Variants in EPHA6 observed in about 807,000 individuals in gnomAD.
The protein encoded by EPHA6 is EPH receptor A6.
Under a neutral mutation model 112.0 loss-of-function variants are expected in EPHA6, and 50 were observed. The ratio of observed to expected loss-of-function variants is 0.45; its 90% CI spans 0.36 to 0.56. The LOEUF is 0.56. Among genes scored for constraint, EPHA6 ranks in the 20% least tolerant of loss-of-function variants. The probability of loss-of-function intolerance (pLI) is 0.00; values close to 1 mark genes in which losing one functional copy is unlikely to be tolerated. For missense variants in EPHA6, 1,280 were observed against 1,417.4 expected (o/e 0.90, Z 1.56); for synonymous variants, 529 against 490.7 (o/e 1.08, Z -1.03).
intron 3 of EPHA6, among the ~76,000 whole-genome samples, chr3:97,173,678 A>G (rs902560159): frequency 1.3e-5 from 2 of 151,854 alleles, no homozygotes; most frequent in Non-Finnish European, 3.0e-5. Context: ...AGATGTGAAA[A>G]TAAAAGTACT....
At chr3:97,214,421 A>G (rs2077973526) in intron 3 of EPHA6, among the ~76,000 whole-genome samples, 1 of 151,162 alleles carries the variant, frequency 6.6e-6, no homozygotes, top group Non-Finnish European at 1.5e-5. Context: ...TATACGCCCA[A>G]CAGAAAAGCG....
At chr3:97,406,822 T>A (rs1048763551) in intron 6 of EPHA6, among the ~76,000 whole-genome samples, 17 of 152,180 alleles carry the variant, frequency 1.1e-4, no homozygotes, top group African/African-American at 3.6e-4. Context: ...CTGGCCAATA[T>A]GTGCTCAGAA....
At chr3:97,041,495 G>A (rs1468078203) in intron 3 of EPHA6, among the ~76,000 whole-genome samples, 2 of 152,042 alleles carry the variant, frequency 1.3e-5, no homozygotes, top group African/African-American at 2.4e-5. Context: ...CTATGAAAGG[G>A]TGTCCTTTCT....
chr3:97,296,780 CA>C (rs2080888964), intron 5 of EPHA6, among the ~76,000 whole-genome samples: 1 of 152,072 alleles, frequency 6.6e-6, no homozygotes, highest in South Asian at 2.1e-4. Context: ...CTCTTTATCT[CA>C]GGGGCAGCCT....
intron 2 of EPHA6, among the ~76,000 whole-genome samples, chr3:96,919,885 T>C (rs1277026698): frequency 2.6e-5 from 4 of 151,892 alleles, no homozygotes; most frequent in Non-Finnish European, 5.9e-5. Flanking sequence ...TTAGAGCATA[T>C]CTCAAAAGAT....
At chr3:96,988,580 G>T (rs538443259) in intron 3 of EPHA6, among the ~76,000 whole-genome samples, 2 of 152,064 alleles carry the variant, frequency 1.3e-5, no homozygotes, top group South Asian at 4.2e-4. Flanking sequence ...AATAAATGAG[G>T]GATTCATGTA....
intron 1 of EPHA6, among the ~76,000 whole-genome samples, chr3:96,863,483 T>A (rs1280636946): frequency 1.3e-5 from 2 of 152,028 alleles, no homozygotes; most frequent in African/African-American, 4.8e-5. Context: ...ATAATTCACC[T>A]GTCTGAAATG....
At chr3:97,326,682 G>C (rs558148000) in intron 5 of EPHA6, among the ~76,000 whole-genome samples, 1 of 152,086 alleles carries the variant, frequency 6.6e-6, no homozygotes, top group African/African-American at 2.4e-5. Context: ...AAATGGTCTT[G>C]GTAGAAATTG....
At chr3:97,452,796 A>C (rs1214898836) in intron 7 of EPHA6, among the ~76,000 whole-genome samples, 1 of 151,550 alleles carries the variant, frequency 6.6e-6, no homozygotes, top group Non-Finnish European at 1.5e-5. Flanking sequence ...GGTCAAATAC[A>C]GTCCTTTTTG....
intron 2 of EPHA6, among the ~76,000 whole-genome samples, chr3:96,904,321 G>A (rs1382037056): frequency 6.6e-6 from 1 of 151,766 alleles, no homozygotes; most frequent in Admixed American, 6.6e-5. Flanking sequence ...CATGGATGAA[G>A]CTGGAAACCA....
intron 16 of EPHA6, among the ~76,000 whole-genome samples, chr3:97,743,676 C>T (rs980378211): frequency 3.3e-5 from 5 of 151,978 alleles, no homozygotes; most frequent in African/African-American, 1.2e-4. Flanking sequence ...ATCACATATA[C>T]ATGTATTAGC....
intron 5 of EPHA6, among the ~76,000 whole-genome samples, chr3:97,362,604 G>A (rs1467239988): frequency 6.6e-6 from 1 of 151,928 alleles, no homozygotes; most frequent in Non-Finnish European, 1.5e-5. Flanking sequence ...TTTAATGTTG[G>A]AACCTTAATA....
In EPHA6 at chr3:97,485,293, A is replaced by G. The variant is rs1010053407; in HGVS notation, c.2200+1234A>G. ...GGGCCCAGTATACCCTGAAATATAC[A>G]GAGTCCCTTGTTAAAAATTTATTAG... On this transcript the variant is annotated intron_variant, in intron 10 of 17. Coordinates refer to ENST00000389672, the MANE Select transcript of EPHA6 (RefSeq NM_001080448.3). Among the ~76,000 whole-genome samples, 5 of 152,332 alleles carry G rather than the reference A, an allele frequency of 3.3e-5. No individual in the cohort carries two copies. In the East Asian group the frequency reaches 9.6e-4, roughly 29 times the overall value.
At chr3:97,059,197 T>C (rs1457311142) in intron 3 of EPHA6, among the ~76,000 whole-genome samples, 1 of 152,200 alleles carries the variant, frequency 6.6e-6, no homozygotes, top group East Asian at 1.9e-4. Flanking sequence ...TAGTATCTGA[T>C]TTTCAGAGTC....
At chr3:97,578,655 G>A (rs1001135232) in intron 11 of EPHA6, among the ~76,000 whole-genome samples, 4 of 152,118 alleles carry the variant, frequency 2.6e-5, no homozygotes, top group Non-Finnish European at 5.9e-5. Flanking sequence ...TGTTCCTTTT[G>A]GAGGATACCT....
chr3:97,151,390 T>C (rs78215434), intron 3 of EPHA6, among the ~76,000 whole-genome samples: 14,344 of 152,154 alleles, frequency 0.094, 1,072 homozygotes, highest in Admixed American at 0.22. Context: ...ATGTTTTGCA[T>C]AATTTTTGTG....
chr3:97,709,305 G>A (rs1012939227), intron 14 of EPHA6, among the ~76,000 whole-genome samples: 2 of 152,238 alleles, frequency 1.3e-5, no homozygotes, highest in South Asian at 4.1e-4. Flanking sequence ...GAGACATGGA[G>A]TCAAAGGAGA....
At chr3:96,951,033 A>G (rs1344580319) in intron 2 of EPHA6, among the ~76,000 whole-genome samples, 1 of 151,998 alleles carries the variant, frequency 6.6e-6, no homozygotes, top group Non-Finnish European at 1.5e-5. Flanking sequence ...ACTGATATTC[A>G]GCGTTGGCAG....
intron 3 of EPHA6, among the ~76,000 whole-genome samples, chr3:97,016,088 G>GA (rs1332400213): frequency 2.0e-5 from 3 of 148,720 alleles, no homozygotes. Context: ...AATATAAAAA[G>GA]AAAATCCCAA....
Sources: allele counts gnomAD v4.1 joint callset (sites outside exome capture counted in the v4.1 genomes callset), GRCh38; gene constraint gnomAD v4.1.1; transcripts MANE v1.5; gene names NCBI Gene and HGNC (gene_info 2026-07-23, HGNC 2026-07-21).